The following SLC8A3 variants were observed in gnomAD, a reference collection of about 807,000 sequenced individuals.
SLC8A3 encodes the protein solute carrier family 8 member A3.
SLC8A3 carries 37 observed loss-of-function variants against 65.4 expected under a neutral mutation model. The ratio of observed to expected loss-of-function variants is 0.57; its 90% CI spans 0.44 to 0.74. The LOEUF (loss-of-function observed/expected upper bound fraction) is 0.74, where lower values mean the gene tolerates loss of function less well. Among genes scored for constraint, SLC8A3 ranks in the 30% least tolerant of loss-of-function variants. The pLI is 0.00. For synonymous variants in SLC8A3, 461 were observed against 444.5 expected, an observed-to-expected ratio of 1.04 and a Z score of -0.47; for missense variants, 1,112 against 1,172.1, an observed-to-expected ratio of 0.95 and a Z score of 0.75.
At chr14:70,097,846 C>G (rs1485303266) in intron 2 of SLC8A3, among the ~76,000 whole-genome samples, 1 of 152,176 alleles carries the variant, frequency 6.6e-6, no homozygotes, top group Non-Finnish European at 1.5e-5. Context: ...CAAGAGTTCT[C>G]AGAACCTCAG....
chr14:70,120,132 C>G (rs1485346788), intron 2 of SLC8A3, among the ~76,000 whole-genome samples: 1 of 152,184 alleles, frequency 6.6e-6, no homozygotes, highest in Non-Finnish European at 1.5e-5. Context: ...GCCTGCATCC[C>G]CATCCCCAAG....
intron 2 of SLC8A3, among the ~76,000 whole-genome samples, chr14:70,149,152 C>T (rs1896109684): frequency 6.6e-6 from 1 of 152,184 alleles, no homozygotes; most frequent in Admixed American, 6.5e-5. Flanking sequence ...AAATAAATCA[C>T]AGTATTGTTT....
chr14:70,167,531 C>T lies in SLC8A3; in HGVS notation c.892G>A (p.Asp298Asn), dbSNP rs1457408551. 6.2e-7 allele frequency: 1 copy of T among 1,613,988 alleles called. No homozygotes were observed. Among genetic ancestry groups the T allele is most frequent in the East Asian group, 2.2e-5 (1 of 44,882 alleles). ...CCTTCCAGGGGCACCAGGTTCCCATCTAGAAAATGGGAATTCATCATTTTC... is the reference window on the plus strand; with the variant it reads ...CCTTCCAGGGGCACCAGGTTCCCATTTAGAAAATGGGAATTCATCATTTTC... ...DGKMMNSHFL[D>N]GNLVPLEGKE... Residue 298 changes from aspartate to asparagine, a missense_variant, in exon 2 of 7, where the codon GAT becomes AAT. Physicochemically the swap from Asp to Asn is conservative, Grantham distance 23. Coordinates refer to ENST00000356921, the MANE Select transcript of SLC8A3 (RefSeq NM_182932.3).
chr14:70,187,560 G>C (rs887268333), intron 1 of SLC8A3, among the ~76,000 whole-genome samples: 6 of 151,824 alleles, frequency 4.0e-5, no homozygotes, highest in Non-Finnish European at 8.8e-5. Context: ...GCCAGGGCCT[G>C]TAGGAGCAGC....
At chr14:70,066,365 T>C (rs938066398) in intron 2 of SLC8A3, among the ~76,000 whole-genome samples, 2 of 152,194 alleles carry the variant, frequency 1.3e-5, no homozygotes, top group African/African-American at 4.8e-5. Context: ...TTCTTTCCCA[T>C]TTCTGTCAAT....
chr14:70,060,329 A>G (rs1888642554), intron 3 of SLC8A3: 1 of 254,630 alleles, frequency 3.9e-6, no homozygotes. Context: ...AGACCCCCCC[A>G]CATTCAATCC....
Position 70,117,153 on chromosome 14 carries a change from C to A in SLC8A3, c.1784+49486G>T, listed in dbSNP as rs1196526726. ...TTGGGACTATACCTTCTTCTTCTAG[C>A]TGCTGAGAGTCTTGGTGCCCAATGT... On this transcript the variant is annotated intron_variant, in intron 2 of 6. Coordinates refer to ENST00000356921, the MANE Select transcript of SLC8A3 (RefSeq NM_182932.3). Among the ~76,000 whole-genome samples the A allele has an allele frequency of 2.0e-5, 3 of 152,246 alleles. No homozygotes were observed. In the East Asian group the frequency reaches 5.8e-4, roughly 29 times the overall value.
At chr14:70,116,548 C>G (rs1166339904) in intron 2 of SLC8A3, among the ~76,000 whole-genome samples, 2 of 152,146 alleles carry the variant, frequency 1.3e-5, no homozygotes, top group African/African-American at 2.4e-5. Context: ...GGCACATCAC[C>G]CACTTCATCA....
intron 2 of SLC8A3, among the ~76,000 whole-genome samples, chr14:70,107,595 G>T (rs1566784206): frequency 6.6e-6 from 1 of 152,068 alleles, no homozygotes. Context: ...ACCATCCAGT[G>T]GGGTCCTAAC....
At chr14:70,159,283 C>T (rs1044526890) in intron 2 of SLC8A3, among the ~76,000 whole-genome samples, 5 of 152,090 alleles carry the variant, frequency 3.3e-5, no homozygotes, top group African/African-American at 1.2e-4. Context: ...GTAGCATATG[C>T]CTGTAGTCCC....
At chr14:70,126,570 T>TCTCTCTCTCTCACA (rs1385909771) in intron 2 of SLC8A3, among the ~76,000 whole-genome samples, 16 of 117,110 alleles carry the variant, frequency 1.4e-4, no homozygotes, top group South Asian at 6.0e-4. Flanking sequence ...TCTCTCTCTC[T>TCTCTCTCTCTCACA]CACACACACA....
chr14:70,088,675 A>G (rs929206387), intron 2 of SLC8A3, among the ~76,000 whole-genome samples: 1 of 152,188 alleles, frequency 6.6e-6, no homozygotes, highest in East Asian at 1.9e-4. Flanking sequence ...CACCCTGAGC[A>G]TTATCATCAC....
chr14:70,145,900 A>G (rs1447409438), intron 2 of SLC8A3, among the ~76,000 whole-genome samples: 1 of 146,944 alleles, frequency 6.8e-6, no homozygotes. Context: ...CAAGCACTCA[A>G]GGCAGCTGGT....
chr14:70,122,880 T>TGGCCA lies in SLC8A3; in HGVS notation c.1784+43754_1784+43758dup, dbSNP rs1304506977. On this transcript the variant is annotated intron_variant, in intron 2 of 6. Transcript: ENST00000356921. ...TGAGGCCAGGAGTTGAAGACCAGCC[T>TGGCCA]GGCCAACATAATGAAACCCTGTCTC... 1.5e-4 allele frequency among the ~76,000 whole-genome samples: 23 copies of TGGCCA among 152,092 alleles called. No individual in the cohort carries two copies. In the East Asian group the frequency reaches 4.5e-3, roughly 29 times the overall value.
intron 2 of SLC8A3, among the ~76,000 whole-genome samples, chr14:70,087,366 C>T (rs1891510602): frequency 6.6e-6 from 1 of 152,318 alleles, no homozygotes; most frequent in Non-Finnish European, 1.5e-5. Context: ...TCTCAAACTT[C>T]CTGGAACATT....
At chr14:70,057,294 G>GTAGGTAGATAGA (rs1555368967) in intron 3 of SLC8A3, among the ~76,000 whole-genome samples, 2 of 149,464 alleles carry the variant, frequency 1.3e-5, no homozygotes, top group South Asian at 2.2e-4. Flanking sequence ...AGGCAGATAG[G>GTAGGTAGATAGA]TAGATAGATA....
intron 2 of SLC8A3, among the ~76,000 whole-genome samples, chr14:70,106,237 A>G (rs1892862362): frequency 1.3e-5 from 2 of 152,188 alleles, no homozygotes; most frequent in Non-Finnish European, 2.9e-5. Context: ...CAGTGCAGTA[A>G]AACAAGAAAA....
intron 2 of SLC8A3, among the ~76,000 whole-genome samples, chr14:70,163,910 G>A (rs1897025073): frequency 6.6e-6 from 1 of 152,096 alleles, no homozygotes; most frequent in African/African-American, 2.4e-5. Flanking sequence ...GATATTCTAA[G>A]GTCCTTTCTA....
At chr14:70,148,839 A>G (rs1315743141) in intron 2 of SLC8A3, among the ~76,000 whole-genome samples, 2 of 152,186 alleles carry the variant, frequency 1.3e-5, no homozygotes, top group African/African-American at 2.4e-5. Flanking sequence ...AAGAACTTCT[A>G]AAGTGGGAAG....
Sources: allele counts gnomAD v4.1 joint callset (sites outside exome capture counted in the v4.1 genomes callset), GRCh38; gene constraint gnomAD v4.1.1; transcripts MANE v1.5; gene names NCBI Gene and HGNC (gene_info 2026-07-23, HGNC 2026-07-21).